TMEM230: variants seen among roughly 807,000 people sequenced by gnomAD.
TMEM230 encodes transmembrane protein 230.
A neutral mutation model predicts 15.8 loss-of-function variants in TMEM230; 10 were observed. That is an observed-to-expected ratio of 0.63 (90% CI 0.39 to 1.07). The LOEUF (loss-of-function observed/expected upper bound fraction) is 1.07. Among genes scored for constraint, TMEM230 ranks in the 50% least tolerant of loss-of-function variants. TMEM230 has a pLI of 0.01. For synonymous variants in TMEM230, 67 were observed against 76.9 expected (o/e 0.87, Z 0.68); for missense variants, 165 against 193.3 (o/e 0.85, Z 0.87).
chr20:5,106,119 A>G lies in TMEM230; in HGVS notation c.411+69T>C, dbSNP rs111425070. On this transcript the variant is annotated intron_variant, in intron 4 of 4. Transcript: ENST00000342308. Reference sequence around the variant, plus strand: ...CACACACACACACACACACACACACACGCACACTAGAGCCTTGGCTAACAT... The same window carrying G: ...CACACACACACACACACACACACACGCGCACACTAGAGCCTTGGCTAACAT... 721 of 1,534,842 alleles carry G rather than the reference A, an allele frequency of 4.7e-4. 3 individuals carry two copies. The highest frequency in any genetic ancestry group is 7.6e-4 in the South Asian group (61 of 79,888).
chr20:5,106,535 C>A (rs2090100993), intron 3 of TMEM230, among the ~76,000 whole-genome samples: 1 of 152,048 alleles, frequency 6.6e-6, no homozygotes, highest in South Asian at 2.1e-4. Flanking sequence ...TCCTGAGCAG[C>A]TGGGGTTACA....
intron 3 of TMEM230, among the ~76,000 whole-genome samples, chr20:5,107,041 C>T (rs981238985): frequency 6.6e-6 from 1 of 152,162 alleles, no homozygotes; most frequent in Admixed American, 6.5e-5. Flanking sequence ...AGAGCTCGCA[C>T]CTGTAATCCC....
At chr20:5,082,552 C>A (rs551860435) in intron 3 of TMEM230, among the ~76,000 whole-genome samples, 1 of 152,270 alleles carries the variant, frequency 6.6e-6, no homozygotes, top group South Asian at 2.1e-4. Flanking sequence ...AGCAATCCTC[C>A]CTATCTCAGC....
downstream of TMEM230, among the ~76,000 whole-genome samples, chr20:5,099,113 C>T (rs1349914811): frequency 2.0e-5 from 3 of 151,804 alleles, no homozygotes; most frequent in African/African-American, 4.8e-5. Flanking sequence ...ATCACTTGAG[C>T]CCAGGAATTC....
chr20:5,099,254 T>TA (rs1323728740), downstream of TMEM230, among the ~76,000 whole-genome samples: 1 of 150,944 alleles, frequency 6.6e-6, no homozygotes, highest in African/African-American at 2.4e-5. Context: ...CAATAATAAA[T>TA]AAAAAAACCA....
chr20:5,067,409 T>TGATATATATATA (rs1198250490), downstream of TMEM230: 1 of 73,812 alleles, frequency 1.4e-5, no homozygotes, highest in Non-Finnish European at 2.7e-5. Context: ...GTGTTTAGGC[T>TGATATATATATA]CATATATATA....
the TMEM230 span, among the ~76,000 whole-genome samples, chr20:5,061,824 G>A: frequency 6.6e-6 from 1 of 152,088 alleles, no homozygotes; most frequent in Non-Finnish European, 1.5e-5. Flanking sequence ...GGGCATTAGG[G>A]GGTTCACAGC....
downstream of TMEM230, among the ~76,000 whole-genome samples, chr20:5,099,638 C>A (rs2089777681): frequency 6.6e-6 from 1 of 152,132 alleles, no homozygotes; most frequent in Non-Finnish European, 1.5e-5. Context: ...CTCAACAGCT[C>A]CACTTGGATA....
intron 3 of TMEM230, among the ~76,000 whole-genome samples, chr20:5,074,928 G>A (rs1297284519): frequency 6.6e-6 from 1 of 152,120 alleles, no homozygotes; most frequent in Admixed American, 6.6e-5. Flanking sequence ...CTCCCAAAGT[G>A]CTGGGATTAT....
At chr20:5,090,536 G>A (rs937110290) in intron 3 of TMEM230, among the ~76,000 whole-genome samples, 1 of 152,144 alleles carries the variant, frequency 6.6e-6, no homozygotes, top group African/African-American at 2.4e-5. Context: ...TGGGAGACTA[G>A]GGGATATATA....
chr20:5,099,199 T>A (rs2089754610), downstream of TMEM230, among the ~76,000 whole-genome samples: 1 of 67,096 alleles, frequency 1.5e-5, no homozygotes. Flanking sequence ...TCAAAATAAA[T>A]AAATAAATAA....
At position 5,100,800 on chromosome 20, in the gene TMEM230, A is replaced by G. The variant is rs2089823407; in HGVS notation, c.543T>C (p.Phe181=). 6.2e-7 allele frequency: 1 copy of G among 1,613,464 alleles called. No homozygotes were observed. Among genetic ancestry groups the G allele is most frequent in the Non-Finnish European group, 8.5e-7 (1 of 1,180,006 alleles). Residue 181 remains phenylalanine, a synonymous_variant, in exon 5 of 5, where the codon TTT becomes TTC. Transcript: ENST00000342308. ...AGCTATGGGGTGGGTGCTAGTCATC[A>G]AAGTCTGGAATGTCATCATAGGAGT...
chr20:5,108,253 C>G (rs540624610), intron 3 of TMEM230, among the ~76,000 whole-genome samples: 2 of 151,994 alleles, frequency 1.3e-5, no homozygotes, highest in African/African-American at 4.8e-5. Context: ...AACACTGTCT[C>G]TACTAAAAAT....
intron 3 of TMEM230, among the ~76,000 whole-genome samples, chr20:5,076,827 G>A (rs1213237006): frequency 2.0e-5 from 3 of 150,738 alleles, no homozygotes; most frequent in Non-Finnish European, 4.4e-5. Context: ...ACAGGCAAGC[G>A]CCACTACACC....
intron 3 of TMEM230, among the ~76,000 whole-genome samples, chr20:5,076,875 G>A (rs1167780622): frequency 3.3e-5 from 5 of 151,206 alleles, no homozygotes; most frequent in African/African-American, 7.3e-5. Flanking sequence ...ACGGGGTTTC[G>A]CCATGTTGGC....
At chr20:5,108,650 A>G (rs1242922905) in intron 3 of TMEM230, among the ~76,000 whole-genome samples, 1 of 152,164 alleles carries the variant, frequency 6.6e-6, no homozygotes, top group Non-Finnish European at 1.5e-5. Flanking sequence ...GTGGGTCCAA[A>G]GAGTAATTTA....
chr20:5,110,004 A>G (rs1330490133), intron 2 of TMEM230, among the ~76,000 whole-genome samples: 1 of 152,158 alleles, frequency 6.6e-6, no homozygotes, highest in Non-Finnish European at 1.5e-5. Context: ...TTTTAATGCA[A>G]AAGATCTGTA....
chr20:5,103,273 G>A (rs1021858196), intron 4 of TMEM230, among the ~76,000 whole-genome samples: 1 of 151,972 alleles, frequency 6.6e-6, no homozygotes, highest in African/African-American at 2.4e-5. Context: ...ACCAGCCTGG[G>A]CAACATAATG....
chr20:5,088,486 G>T (rs113282675), intron 3 of TMEM230, among the ~76,000 whole-genome samples: 3,156 of 152,028 alleles, frequency 0.021, 95 homozygotes, highest in African/African-American at 0.069. Flanking sequence ...CAATCAGGTG[G>T]TTTTTTTAAT....
Sources: gnomAD v4.1 joint callset for allele counts (sites outside exome capture counted in the v4.1 genomes callset) on GRCh38, gnomAD v4.1.1 for gene constraint, MANE v1.5 for transcripts, NCBI Gene and HGNC (gene_info 2026-07-23, HGNC 2026-07-21) for gene names.